Variants in CORO7 observed in about 807,000 individuals in gnomAD.
CORO7 encodes the protein coronin 7.
A neutral mutation model predicts 126.6 loss-of-function variants in CORO7; 107 were observed. That is an observed-to-expected ratio of 0.85 (90% confidence interval 0.72 to 0.99). The LOEUF (loss-of-function observed/expected upper bound fraction) is 0.99, where lower values mean the gene tolerates loss of function less well. Ranked by LOEUF, CORO7 falls within the 50% of genes least tolerant of loss-of-function variation. CORO7 has a pLI of 0.00. For synonymous variants in CORO7, 603 were observed against 536.8 expected (o/e 1.12, Z -1.70); for missense variants, 1,314 against 1,255.8 (o/e 1.05, Z -0.70).
At chr16:4,366,224 A>G (rs1358083957) in intron 9 of CORO7, among the ~76,000 whole-genome samples, 1 of 152,172 alleles carries the variant, frequency 6.6e-6, no homozygotes, top group African/African-American at 2.4e-5. Flanking sequence ...TGCCAGCAGC[A>G]TGCTCCCAGG....
chr16:4,396,340 A>C (rs1381822765), intron 6 of CORO7, among the ~76,000 whole-genome samples: 1 of 152,218 alleles, frequency 6.6e-6, no homozygotes, highest in Admixed American at 6.5e-5. Context: ...CGGCCTCCCA[A>C]AATGCTGGGA....
chr16:4,413,253 T>C, intron 2 of CORO7, 55 bp downstream of exon 2: 1 of 1,514,216 alleles, frequency 6.6e-7, no homozygotes. Context: ...ACCCCATCTA[T>C]GGTGACGATG....
At chr16:4,357,836 A>G in intron 25 of CORO7, 132 bp downstream of exon 25, 1 of 1,455,216 alleles carries the variant, frequency 6.9e-7, no homozygotes, top group South Asian at 1.4e-5. Context: ...AGACTGATTG[A>G]CACAGCCACT....
At chr16:4,411,679 A>G (rs1364158812) in intron 3 of CORO7, among the ~76,000 whole-genome samples, 1 of 152,072 alleles carries the variant, frequency 6.6e-6, no homozygotes, top group Non-Finnish European at 1.5e-5. Flanking sequence ...ACGACCCTGC[A>G]CACCCAGCCT....
intron 6 of CORO7, among the ~76,000 whole-genome samples, chr16:4,403,172 G>A (rs1332056938): frequency 6.6e-6 from 1 of 152,058 alleles, no homozygotes; most frequent in Non-Finnish European, 1.5e-5. Flanking sequence ...GGTGTGGGGT[G>A]GGCCCATCCA....
Position 4,362,528 on chromosome 16 carries a change from C to T in CORO7, c.1402+84G>A. 2 of 1,474,848 alleles carry T rather than the reference C, an allele frequency of 1.4e-6. No homozygotes were observed. Among genetic ancestry groups the T allele is most frequent in the Non-Finnish European group, 1.8e-6 (2 of 1,114,694 alleles). 91.4% of individuals were successfully genotyped at this position (1,474,848 alleles called of 1,614,324 possible). A position where few individuals can be genotyped will look rare whatever the true frequency, so the allele number is the denominator to read the frequency against. ...TGCCCTGCATGAGGCCTGTGCTCAG[C>T]AGTAGGGTACACAGGAGGATGACGG... On this transcript the variant is annotated intron_variant, in intron 15 of 27. Transcript: ENST00000251166. The surrounding 1 kb of genome is among the most constrained non-coding windows in gnomAD (Gnocchi z 5.3).
In CORO7 at chr16:4,369,442, A is replaced by G. The variant is rs143743721; in HGVS notation, c.786-3897T>C. On this transcript the variant is annotated intron_variant, in intron 9 of 27. Coordinates refer to ENST00000251166, the MANE Select transcript of CORO7 (RefSeq NM_024535.5). ...CTGGAATCTGGGCCTGCCACTGGGA[A>G]GGGCTCTGACCCTGACCCAGGTCCA... Among the ~76,000 whole-genome samples the G allele has an allele frequency of 1.4e-4, 21 of 152,332 alleles. No homozygotes were observed. The East Asian group carries it at 4.1e-3, about 29-fold the overall frequency.
In CORO7 at chr16:4,359,280, G is replaced by C; in HGVS notation, c.2340+16C>G. 1 of 1,587,014 alleles carries C rather than the reference G, an allele frequency of 6.3e-7. No individual in the cohort carries two copies. Among genetic ancestry groups the C allele is most frequent in the African/African-American group, 1.3e-5 (1 of 74,894 alleles). On this transcript the variant is annotated intron_variant, in intron 23 of 27. Coordinates refer to ENST00000251166, the MANE Select transcript of CORO7 (RefSeq NM_024535.5). Reference sequence around the variant, plus strand: ...CTTGTGGTCCCATCGGGGACGAGGCGCCAGGGTGGCCTCACCTTGTGGGGG... The same window carrying C: ...CTTGTGGTCCCATCGGGGACGAGGCCCCAGGGTGGCCTCACCTTGTGGGGG...
intron 24 of CORO7, 42 bp downstream of exon 24, chr16:4,358,325 G>T: frequency 6.2e-7 from 1 of 1,601,346 alleles, no homozygotes; most frequent in South Asian, 1.1e-5. Flanking sequence ...TCTAGGCACC[G>T]AGAAGGCGGT....
intron 9 of CORO7, chr16:4,382,868 A>G: frequency 6.4e-7 from 1 of 1,563,942 alleles, no homozygotes; most frequent in East Asian, 2.3e-5. Context: ...CCTGGCCTCC[A>G]GTCACCCCTC....
rs139623912 is a variant in CORO7 at position 4,382,226 on chromosome 16, G to A, written c.785+5760C>T. On this transcript the variant is annotated intron_variant, in intron 9 of 27. Transcript: ENST00000251166. Reference sequence around the variant, plus strand: ...GAGAGCCAGATGGGGCAGGGGACACGGCCCAGCCCTACACCAGTCACGCCG... The same window carrying A: ...GAGAGCCAGATGGGGCAGGGGACACAGCCCAGCCCTACACCAGTCACGCCG... 2.2e-5 allele frequency: 35 copies of A among 1,605,328 alleles called. No homozygotes were observed. In the African/African-American group the frequency reaches 3.3e-4, roughly 15 times the overall value.
chr16:4,382,383 G>C (rs753432185), intron 9 of CORO7: 2 of 1,612,134 alleles, frequency 1.2e-6, no homozygotes, highest in African/African-American at 2.7e-5. Context: ...GCAACCTATC[G>C]GGCCCTGATA....
chr16:4,413,390 G>A lies in CORO7; in HGVS notation c.75C>T (p.Asp25=). 6.3e-7 allele frequency: 1 copy of A among 1,574,926 alleles called. No individual in the cohort carries two copies. Among genetic ancestry groups the A allele is most frequent in the Admixed American group, 1.9e-5 (1 of 53,784 alleles). Residue 25 remains aspartate, a synonymous_variant, in exon 2 of 28, where the codon GAC becomes GAT. Coordinates refer to ENST00000251166, the MANE Select transcript of CORO7 (RefSeq NM_024535.5). ...ATGAAGGGGCGGTTCCTGCTCGAAT[G>A]TCACTGATCCAGGACTGAAAATCAA... is the stretch of plus-strand genomic sequence containing the variant. ...RPPRRESWIS[D]IRAGTAPSCR...
At chr16:4,392,354 C>T (rs2055424403) in intron 7 of CORO7, among the ~76,000 whole-genome samples, 2 of 152,156 alleles carry the variant, frequency 1.3e-5, no homozygotes, top group South Asian at 4.1e-4. Context: ...CAGAACCATC[C>T]GACTCTCGGG....
chr16:4,361,002 G>T lies in CORO7; in HGVS notation c.1858C>A (p.Arg620Ser), dbSNP rs766836793. 6.2e-7 allele frequency: 1 copy of T among 1,613,156 alleles called. No individual in the cohort carries two copies. Among genetic ancestry groups the T allele is most frequent in the Non-Finnish European group, 8.5e-7 (1 of 1,180,012 alleles). ...GCTCCAGCCTGAAGGTCCCAGATGC[G>T]AACAGTGAGGTCATAGGAGGACGAG... is the stretch of plus-strand genomic sequence containing the variant. ...LASSSYDLTV[R>S]IWDLQAGADR... is the part of the protein sequence containing the mutation. Residue 620 changes from arginine (R) to serine (S), a missense_variant, in exon 19 of 28, where the codon CGC (arginine) becomes AGC (serine). Arg to Ser is a moderately radical substitution (Grantham distance 110). Transcript: ENST00000251166.
intron 23 of CORO7, 74 bp downstream of exon 23, chr16:4,359,222 C>T (rs1384149659): frequency 2.0e-6 from 3 of 1,481,726 alleles, no homozygotes; most frequent in Non-Finnish European, 2.7e-6. Context: ...GGCTCCTGTA[C>T]TTGCCCACAT....
intron 7 of CORO7, among the ~76,000 whole-genome samples, chr16:4,393,428 A>T (rs920851433): frequency 2.0e-4 from 30 of 152,310 alleles, no homozygotes; most frequent in Admixed American, 1.6e-3. Flanking sequence ...AGCAAGTACG[A>T]CCAGGGTGTG....
At chr16:4,367,036 G>C (rs573800633) in intron 9 of CORO7, among the ~76,000 whole-genome samples, 2 of 152,268 alleles carry the variant, frequency 1.3e-5, no homozygotes, top group African/African-American at 4.8e-5. Context: ...CCTGCCAGCC[G>C]ACCACTAAGC....
intron 9 of CORO7, among the ~76,000 whole-genome samples, chr16:4,377,220 C>T (rs573128187): frequency 6.6e-6 from 1 of 152,142 alleles, no homozygotes; most frequent in Non-Finnish European, 1.5e-5. Flanking sequence ...TTCCCACCCC[C>T]CGACGTCCCC....
Sources: gnomAD v4.1 joint callset for allele counts (sites outside exome capture counted in the v4.1 genomes callset) on GRCh38, gnomAD v4.1.1 for gene constraint, Gnocchi (gnomAD v3.1) non-coding constraint, MANE v1.5 for transcripts, NCBI Gene and HGNC (gene_info 2026-07-23, HGNC 2026-07-21) for gene names.